RNLS: variants seen among roughly 807,000 people sequenced by gnomAD.
RNLS encodes renalase.
In RNLS, 39 loss-of-function variants were observed where a neutral mutation model predicts 39.8. That is an observed-to-expected ratio of 0.98 (90% CI 0.76 to 1.28). The LOEUF is 1.28. RNLS is among the 50% of genes most tolerant of loss of function. The pLI is 0.00. For missense variants in RNLS, 410 were observed against 413.3 expected, an observed-to-expected ratio of 0.99 and a Z score of 0.07; for synonymous variants, 147 against 150.7, an observed-to-expected ratio of 0.98 and a Z score of 0.18.
intron 4 of RNLS, among the ~76,000 whole-genome samples, chr10:88,479,880 G>T (rs892028249): frequency 1.3e-5 from 2 of 148,288 alleles, no homozygotes; most frequent in Non-Finnish European, 3.0e-5. Flanking sequence ...TTTACCAAAA[G>T]ATCATAATAA....
intron 4 of RNLS, among the ~76,000 whole-genome samples, chr10:88,490,031 G>A (rs1388981344): frequency 6.6e-6 from 1 of 152,114 alleles, no homozygotes; most frequent in African/African-American, 2.4e-5. Flanking sequence ...GGCTCTTAAA[G>A]CTCTTTTAAA....
At chr10:88,428,744 A>G (rs1012069261) in intron 4 of RNLS, among the ~76,000 whole-genome samples, 1 of 152,004 alleles carries the variant, frequency 6.6e-6, no homozygotes, top group Non-Finnish European at 1.5e-5. Context: ...ATCTATTTAG[A>G]CAACATCAGA....
At chr10:88,256,546 C>G in the RNLS span, among the ~76,000 whole-genome samples, 77 of 152,362 alleles carry the variant, frequency 5.1e-4, no homozygotes, top group East Asian at 0.011. Context: ...GGCGAAGGAA[C>G]TTTTTCATGC....
At chr10:88,530,674 A>AT (rs1163386017) in intron 4 of RNLS, among the ~76,000 whole-genome samples, 1 of 152,032 alleles carries the variant, frequency 6.6e-6, no homozygotes, top group Non-Finnish European at 1.5e-5. Flanking sequence ...CTCATACCTC[A>AT]TTTTTTCCCT....
intron 4 of RNLS, among the ~76,000 whole-genome samples, chr10:88,475,879 T>A (rs1564830554): frequency 6.6e-6 from 1 of 152,184 alleles, no homozygotes; most frequent in Non-Finnish European, 1.5e-5. Context: ...AAAATCAAGT[T>A]TTAAAAATGA....
intron 5 of RNLS, among the ~76,000 whole-genome samples, chr10:88,336,257 G>C (rs1212819072): frequency 6.6e-6 from 1 of 152,178 alleles, no homozygotes; most frequent in African/African-American, 2.4e-5. Flanking sequence ...TCTTTGACTT[G>C]TTTATTCTAG....
chr10:88,196,192 C>A, the RNLS span, among the ~76,000 whole-genome samples: 1 of 123,866 alleles, frequency 8.1e-6, no homozygotes, highest in African/African-American at 3.1e-5. Context: ...CCTACAATTT[C>A]GTATACTTTG....
the RNLS span, among the ~76,000 whole-genome samples, chr10:88,196,060 G>T: frequency 6.6e-6 from 1 of 151,994 alleles, no homozygotes. Context: ...GGGACTCTGA[G>T]ACCCAAGTGC....
intron 5 of RNLS, among the ~76,000 whole-genome samples, chr10:88,324,220 C>G (rs952494425): frequency 6.6e-6 from 1 of 152,008 alleles, no homozygotes; most frequent in Non-Finnish European, 1.5e-5. Flanking sequence ...ACTCAGCAAT[C>G]CCACTACTGG....
chr10:88,514,358 G>A (rs996277665), intron 4 of RNLS, among the ~76,000 whole-genome samples: 1 of 151,972 alleles, frequency 6.6e-6, no homozygotes, highest in Non-Finnish European at 1.5e-5. Context: ...CTCCTACCAG[G>A]TCCCTCCCTC....
At chr10:88,251,189 A>G in the RNLS span, among the ~76,000 whole-genome samples, 4 of 152,232 alleles carry the variant, frequency 2.6e-5, no homozygotes, top group African/African-American at 9.6e-5. Flanking sequence ...AACTTAAAAA[A>G]TCTTAAATGT....
At chr10:88,243,564 C>T in the RNLS span, among the ~76,000 whole-genome samples, 15 of 152,296 alleles carry the variant, frequency 9.8e-5, no homozygotes, top group South Asian at 2.1e-3. Flanking sequence ...TGGCAACATT[C>T]GTTACCAAAA....
chr10:88,420,595 C>T (rs573280773), intron 4 of RNLS, among the ~76,000 whole-genome samples: 7 of 152,306 alleles, frequency 4.6e-5, no homozygotes, highest in Admixed American at 2.6e-4. Context: ...TTCTTCTCTG[C>T]GTATCTCTTA....
At chr10:88,415,094 T>C (rs1853933783) in intron 4 of RNLS, among the ~76,000 whole-genome samples, 1 of 152,198 alleles carries the variant, frequency 6.6e-6, no homozygotes, top group Admixed American at 6.5e-5. Context: ...TGGTCTTGCT[T>C]TGAACAAAGA....
chr10:88,171,611 G>T, the RNLS span, among the ~76,000 whole-genome samples: 1 of 152,134 alleles, frequency 6.6e-6, no homozygotes, highest in African/African-American at 2.4e-5. Flanking sequence ...GGGATACAGA[G>T]TATAGTTCAA....
chr10:88,297,766 C>T (rs766490140), intron 6 of RNLS, among the ~76,000 whole-genome samples: 1 of 152,132 alleles, frequency 6.6e-6, no homozygotes, highest in Non-Finnish European at 1.5e-5. Flanking sequence ...GATGTTTCCA[C>T]TTGTGGCTAA....
intron 4 of RNLS, among the ~76,000 whole-genome samples, chr10:88,504,429 T>G (rs1845674321): frequency 6.6e-6 from 1 of 152,166 alleles, no homozygotes; most frequent in Admixed American, 6.6e-5. Context: ...GGTAAATGTT[T>G]ATATTTTTAT....
intron 4 of RNLS, among the ~76,000 whole-genome samples, chr10:88,441,657 G>C (rs886908605): frequency 1.3e-5 from 2 of 152,136 alleles, no homozygotes; most frequent in African/African-American, 4.8e-5. Context: ...ATAGCAGTGA[G>C]GGCTGCCTTT....
At chr10:88,576,206 T>C (rs745755184) in intron 3 of RNLS, among the ~76,000 whole-genome samples, 1 of 152,208 alleles carries the variant, frequency 6.6e-6, no homozygotes, top group African/African-American at 2.4e-5. Context: ...TCTTTGTATG[T>C]ATAATTAGTT....
Sources: gnomAD v4.1 joint callset for allele counts (sites outside exome capture counted in the v4.1 genomes callset) on GRCh38, gnomAD v4.1.1 for gene constraint, MANE v1.5 for transcripts, NCBI Gene and HGNC (gene_info 2026-07-23, HGNC 2026-07-21) for gene names.